RAB6A: variants seen among roughly 807,000 people sequenced by gnomAD.
RAB6A encodes RAB6A, member RAS oncogene family.
A neutral mutation model predicts 32.3 loss-of-function variants in RAB6A; 8 were observed. The observed-to-expected ratio is 0.25, with a 90% CI of 0.15 to 0.45. The LOEUF is 0.45. RAB6A is among the 20% of genes least tolerant of loss of function. The pLI is 1.00. For missense variants in RAB6A, 104 were observed against 249.4 expected, an observed-to-expected ratio of 0.42 and a Z score of 3.93; for synonymous variants, 73 against 82.1, an observed-to-expected ratio of 0.89 and a Z score of 0.60.
intron 1 of RAB6A, among the ~76,000 whole-genome samples, chr11:73,747,781 T>C (rs906750306): frequency 6.6e-6 from 1 of 152,218 alleles, no homozygotes; most frequent in Admixed American, 6.5e-5. Context: ...TTTCATGTAA[T>C]GTTCCTCGAT....
At chr11:73,746,044 C>CA (rs1224972076) in intron 1 of RAB6A, among the ~76,000 whole-genome samples, 1 of 151,224 alleles carries the variant, frequency 6.6e-6, no homozygotes, top group African/African-American at 2.4e-5. Context: ...CAATGAAGAT[C>CA]AGTCAAGTGC....
Position 73,707,125 on chromosome 11 carries a change from G to GAA in RAB6A, c.495+293_495+294dup, listed in dbSNP as rs397744539. 4.7e-3 allele frequency among the ~76,000 whole-genome samples: 542 copies of GAA among 116,190 alleles called. 7 individuals carry two copies. The highest frequency in any genetic ancestry group is 0.027 in the South Asian group (95 of 3,576). The allele number at this position is 116,190 out of a possible 152,430, so 76.2% of individuals were successfully genotyped here. A position where few individuals can be genotyped will look rare whatever the true frequency, so the allele number is the denominator to read the frequency against. On this transcript the variant is annotated intron_variant, in intron 6 of 7. Coordinates refer to ENST00000336083, the MANE Select transcript of RAB6A (RefSeq NM_198896.2). ...AAGAGCGAAACTCCATCTCAAAAAAGAAAAAAAAAAAAAAAAAGAAAAGAA... is the reference window on the plus strand; with the variant it reads ...AAGAGCGAAACTCCATCTCAAAAAAGAAAAAAAAAAAAAAAAAAAGAAAAGAA...
intron 6 of RAB6A, among the ~76,000 whole-genome samples, chr11:73,690,810 T>C (rs1318441056): frequency 6.7e-6 from 1 of 149,304 alleles, no homozygotes; most frequent in African/African-American, 2.5e-5. Flanking sequence ...ACAGGGAAGC[T>C]AAGTGTCTCT....
intron 6 of RAB6A, among the ~76,000 whole-genome samples, chr11:73,698,336 T>C (rs993751889): frequency 1.3e-5 from 2 of 152,220 alleles, no homozygotes; most frequent in African/African-American, 4.8e-5. Context: ...GCTTAAGATC[T>C]CAGATTTTGG....
chr11:73,759,982 T>C (rs1177553131), intron 1 of RAB6A: 6 of 1,236,826 alleles, frequency 4.9e-6, no homozygotes, highest in African/African-American at 3.1e-5. Flanking sequence ...GTTTCCTCTA[T>C]GGCCCAGACT....
chr11:73,720,837 AT>A lies in RAB6A; in HGVS notation c.183+8del. ...TTGCAGAAAATTGCACACTGAAAAT[AT>A]TACTCACTGTTCGATCCTCCAAGTA... On this transcript the variant is annotated splice_region_variant and intron_variant, in intron 3 of 7. Transcript: ENST00000336083. 1 of 1,598,698 alleles carries A rather than the reference AT, an allele frequency of 6.3e-7. No homozygotes were observed. The highest frequency in any genetic ancestry group is 8.5e-7 in the Non-Finnish European group (1 of 1,169,690).
At chr11:73,744,163 C>G (rs1234085310) in intron 1 of RAB6A, among the ~76,000 whole-genome samples, 1 of 151,720 alleles carries the variant, frequency 6.6e-6, no homozygotes, top group Non-Finnish European at 1.5e-5. Context: ...ACAGTGAAAC[C>G]CTGTCTCTAC....
chr11:73,692,502 C>CAAAAAA (rs34201129), intron 6 of RAB6A, among the ~76,000 whole-genome samples: 1 of 56,426 alleles, frequency 1.8e-5, no homozygotes, highest in African/African-American at 7.5e-5. Context: ...GACTCTGTCT[C>CAAAAAA]AAAAAAAAAA....
At position 73,760,936 on chromosome 11, in the gene RAB6A, C is replaced by G. The variant is rs1388490950; in HGVS notation, c.-301G>C. The G allele has an allele frequency of 5.9e-6, 2 of 338,888 alleles. No homozygotes were observed. Among genetic ancestry groups the G allele is most frequent in the Non-Finnish European group, 1.1e-5 (2 of 177,490 alleles). 21.0% of individuals were successfully genotyped at this position (338,888 alleles called of 1,614,324 possible). ...TTCCCAAAGCTAGGGCCGTTCCCTCCTTCCGCACTCGGCTCCCAGACCTGG... is the reference window on the plus strand; with the variant it reads ...TTCCCAAAGCTAGGGCCGTTCCCTCGTTCCGCACTCGGCTCCCAGACCTGG... On this transcript the variant is annotated 5_prime_UTR_variant, in exon 1 of 8. Coordinates refer to ENST00000336083, the MANE Select transcript of RAB6A (RefSeq NM_198896.2).
intron 1 of RAB6A, among the ~76,000 whole-genome samples, chr11:73,757,641 T>A (rs1046323290): frequency 6.6e-6 from 1 of 152,166 alleles, no homozygotes. Context: ...AAGTACAAAA[T>A]TCAGGTCAGT....
At chr11:73,716,214 AAATC>A (rs1188659054) in intron 5 of RAB6A, 33 bp downstream of exon 5, 1 of 1,457,088 alleles carries the variant, frequency 6.9e-7, no homozygotes, top group African/African-American at 1.4e-5. Context: ...TGCATCACAG[AAATC>A]AAACATTACA....
At chr11:73,738,490 T>C (rs1946436640) in intron 1 of RAB6A, among the ~76,000 whole-genome samples, 1 of 151,786 alleles carries the variant, frequency 6.6e-6, no homozygotes, top group Non-Finnish European at 1.5e-5. Flanking sequence ...TCCAAAAACA[T>C]TTAAAAAGAA....
intron 2 of RAB6A, chr11:73,730,145 G>C (rs1946281890): frequency 1.3e-5 from 2 of 152,164 alleles, no homozygotes; most frequent in Non-Finnish European, 2.9e-5. Flanking sequence ...TTTTAAAATA[G>C]CTTCTTCCTT....
At chr11:73,760,132 G>C in intron 1 of RAB6A, 5 of 1,292,836 alleles carry the variant, frequency 3.9e-6, no homozygotes, top group Non-Finnish European at 5.0e-6. Flanking sequence ...AGGTTGAAGA[G>C]GGCCCGCTCT....
At chr11:73,735,733 C>G (rs1946382861) in intron 1 of RAB6A, among the ~76,000 whole-genome samples, 1 of 151,794 alleles carries the variant, frequency 6.6e-6, no homozygotes, top group East Asian at 1.9e-4. Context: ...TACGAGATTA[C>G]CTAAATTCTT....
intron 1 of RAB6A, chr11:73,759,966 T>A (rs909793619): frequency 3.4e-6 from 4 of 1,160,434 alleles, no homozygotes; most frequent in Non-Finnish European, 3.4e-6. Flanking sequence ...CGTCTCCAAT[T>A]CAGATGTTTC....
rs985794285 is a variant in RAB6A, at chr11:73,709,622, C to T, written c.402-2109G>A. On this transcript the variant is annotated intron_variant, in intron 5 of 7. Transcript: ENST00000336083. ...ATAACTTCTTTGATTTATGGTATGA[C>T]ATGTTCCAGCCCCACTGTTTACATT... 4.7e-4 allele frequency among the ~76,000 whole-genome samples: 70 copies of T among 150,022 alleles called. 1 individual carries two copies. The highest frequency in any genetic ancestry group is 1.6e-3 in the African/African-American group (67 of 41,194).
chr11:73,759,823 A>C (rs1946814054), intron 1 of RAB6A, among the ~76,000 whole-genome samples: 1 of 152,218 alleles, frequency 6.6e-6, no homozygotes, highest in Non-Finnish European at 1.5e-5. Flanking sequence ...CATTGCCAAA[A>C]GAATTGTCAG....
At chr11:73,696,907 A>G (rs1945664226) in intron 6 of RAB6A, among the ~76,000 whole-genome samples, 1 of 151,828 alleles carries the variant, frequency 6.6e-6, no homozygotes, top group South Asian at 2.1e-4. Flanking sequence ...GCCTGGCCTG[A>G]TTACTTTTAA....
Sources: gnomAD v4.1 joint callset for allele counts (sites outside exome capture counted in the v4.1 genomes callset) on GRCh38, gnomAD v4.1.1 for gene constraint, MANE v1.5 for transcripts, NCBI Gene and HGNC (gene_info 2026-07-23, HGNC 2026-07-21) for gene names.